Variants in PCDHA11 observed in about 807,000 individuals in gnomAD.
PCDHA11 encodes the protein protocadherin alpha-11.
Under a neutral mutation model 70.3 loss-of-function variants are expected in PCDHA11, and 61 were observed. The observed-to-expected ratio is 0.87, with a 90% CI of 0.71 to 1.07. The LOEUF (loss-of-function observed/expected upper bound fraction) is 1.07, where lower values mean the gene tolerates loss of function less well. Ranked by LOEUF, PCDHA11 falls within the 50% of genes least tolerant of loss-of-function variation. The pLI, the probability that PCDHA11 is intolerant of heterozygous loss-of-function variation, is 0.00. For synonymous variants in PCDHA11, 633 were observed against 555.1 expected (o/e 1.14, Z -1.97); for missense variants, 1,324 against 1,237.5 (o/e 1.07, Z -1.05).
At chr5:140,923,910 C>T (rs1280601799) in intron 1 of PCDHA11, among the ~76,000 whole-genome samples, 5 of 152,156 alleles carry the variant, frequency 3.3e-5, no homozygotes, top group African/African-American at 1.2e-4. Flanking sequence ...GTGAAGATTT[C>T]CCATACTGTT....
At chr5:140,999,280 T>C (rs782502393) in intron 3 of PCDHA11, among the ~76,000 whole-genome samples, 2 of 152,228 alleles carry the variant, frequency 1.3e-5, no homozygotes, top group Non-Finnish European at 2.9e-5. Context: ...ATAGTAGTAA[T>C]ACCCATTCTT....
At chr5:140,996,884 A>T (rs1411027110) in intron 3 of PCDHA11, among the ~76,000 whole-genome samples, 1 of 152,186 alleles carries the variant, frequency 6.6e-6, no homozygotes, top group African/African-American at 2.4e-5. Flanking sequence ...TGTATTTTTA[A>T]ATAAAATAGA....
At chr5:140,991,988 C>T (rs1167776981) in intron 3 of PCDHA11, among the ~76,000 whole-genome samples, 1 of 151,478 alleles carries the variant, frequency 6.6e-6, no homozygotes, top group Non-Finnish European at 1.5e-5. Flanking sequence ...GCCTACCACC[C>T]GGTCTTTCAT....
At chr5:140,987,681 G>A (rs1554249426) in intron 3 of PCDHA11, among the ~76,000 whole-genome samples, 2 of 152,184 alleles carry the variant, frequency 1.3e-5, no homozygotes, top group Non-Finnish European at 2.9e-5. Context: ...TTAGTAAATA[G>A]TAGCTATTTT....
intron 3 of PCDHA11, among the ~76,000 whole-genome samples, chr5:141,000,417 A>AT (rs1563652061): frequency 7.5e-4 from 58 of 77,708 alleles, no homozygotes; most frequent in African/African-American, 1.3e-3. Context: ...ATATATATAT[A>AT]TATATTTTTT....
intron 1 of PCDHA11, chr5:140,929,344 A>G: frequency 6.5e-7 from 1 of 1,531,050 alleles, no homozygotes; most frequent in South Asian, 1.3e-5. Flanking sequence ...ATTTTATGGA[A>G]TTTGATTCCT....
intron 1 of PCDHA11, among the ~76,000 whole-genome samples, chr5:140,889,628 TTTTC>T (rs2062304515): frequency 6.6e-6 from 1 of 152,186 alleles, no homozygotes; most frequent in African/African-American, 2.4e-5. Flanking sequence ...ATTTCTCTTC[TTTTC>T]ATTTGTGTTT....
At chr5:140,981,169 C>T (rs2096920797) in intron 2 of PCDHA11, among the ~76,000 whole-genome samples, 1 of 152,170 alleles carries the variant, frequency 6.6e-6, no homozygotes, top group Admixed American at 6.5e-5. Context: ...GTTGCCTTCC[C>T]TCTAATAGTT....
At chr5:140,878,585 C>T (rs2057657468) in intron 1 of PCDHA11, among the ~76,000 whole-genome samples, 1 of 152,152 alleles carries the variant, frequency 6.6e-6, no homozygotes, top group African/African-American at 2.4e-5. Flanking sequence ...CTGCCCTGTG[C>T]CTATTACCAA....
At chr5:140,988,182 G>A (rs191995725) in intron 3 of PCDHA11, among the ~76,000 whole-genome samples, 79 of 152,240 alleles carry the variant, frequency 5.2e-4, no homozygotes, top group African/African-American at 1.5e-3. Flanking sequence ...ACAGTCCTGG[G>A]AGGTGTGTGC....
At chr5:140,967,120 G>C in intron 1 of PCDHA11, 1 of 1,612,860 alleles carries the variant, frequency 6.2e-7, no homozygotes, top group East Asian at 2.2e-5. Flanking sequence ...CTCGCTGCCT[G>C]CTCAGCTTGG....
chr5:140,941,191 TTTTCTTTCTTCCTTTCTTTCTTCC>T (rs1293685535), intron 1 of PCDHA11, among the ~76,000 whole-genome samples: 31 of 93,206 alleles, frequency 3.3e-4, no homozygotes, highest in African/African-American at 1.1e-3. Context: ...GCTTCTTTTT[TTTTCTTTCTTCCTTTCTTTCTTCC>T]TTTCTTTCTT....
chr5:140,966,924 C>T (rs1554228895), intron 1 of PCDHA11: 2 of 1,602,624 alleles, frequency 1.2e-6, no homozygotes, highest in Admixed American at 1.7e-5. Context: ...GAGGAGCAGG[C>T]ACCCGGCGCG....
At chr5:140,883,913 G>T (rs782585121) in intron 1 of PCDHA11, 1 of 1,613,478 alleles carries the variant, frequency 6.2e-7, no homozygotes, top group South Asian at 1.1e-5. Context: ...GGGCAGCAAC[G>T]TGACGCTGCA....
chr5:140,927,942 T>C, intron 1 of PCDHA11: 1 of 1,614,226 alleles, frequency 6.2e-7, no homozygotes, highest in Non-Finnish European at 8.5e-7. Flanking sequence ...ACCCAGTACC[T>C]GAGGACGCTG....
chr5:140,971,529 T>G (rs782358590), intron 1 of PCDHA11, among the ~76,000 whole-genome samples: 1 of 152,176 alleles, frequency 6.6e-6, no homozygotes, highest in East Asian at 1.9e-4. Flanking sequence ...GTTCTGAAAG[T>G]CATCATTGCC....
chr5:141,002,374 C>T (rs1228476890), intron 3 of PCDHA11, among the ~76,000 whole-genome samples: 1 of 152,220 alleles, frequency 6.6e-6, no homozygotes, highest in Non-Finnish European at 1.5e-5. Context: ...CTCATTCTGG[C>T]TTAGGGCTCC....
chr5:140,985,895 A>G (rs782549334), intron 3 of PCDHA11, among the ~76,000 whole-genome samples: 16 of 150,016 alleles, frequency 1.1e-4, no homozygotes, highest in Non-Finnish European at 1.5e-4. Flanking sequence ...GCCCGCCACC[A>G]CTCCCGTCTA....
At chr5:140,969,253 C>T in intron 1 of PCDHA11, 3 of 1,614,202 alleles carry the variant, frequency 1.9e-6, no homozygotes, top group Non-Finnish European at 2.5e-6. Flanking sequence ...TGACTGACAG[C>T]AGGAATCTCA....
Sources: allele counts gnomAD v4.1 joint callset (sites outside exome capture counted in the v4.1 genomes callset), GRCh38; gene constraint gnomAD v4.1.1; transcripts MANE v1.5; gene names NCBI Gene and HGNC (gene_info 2026-07-23, HGNC 2026-07-21).